ARHGAP44: variants seen among roughly 807,000 people sequenced by gnomAD.
The protein encoded by ARHGAP44 is Rho GTPase activating protein 44, also known as rho GTPase-activating protein 44.
Under a neutral mutation model 106.8 loss-of-function variants are expected in ARHGAP44, and 43 were observed. The observed-to-expected ratio is 0.40, with a 90% CI of 0.32 to 0.52. The LOEUF is 0.52. Ranked by LOEUF, ARHGAP44 falls within the 20% of genes least tolerant of loss-of-function variation. The pLI is 0.48. For synonymous variants in ARHGAP44, 439 were observed against 410.3 expected, an observed-to-expected ratio of 1.07 and a Z score of -0.85; for missense variants, 866 against 1,050.5, an observed-to-expected ratio of 0.82 and a Z score of 2.43.
At chr17:12,929,940 T>C (rs1185936660) in intron 7 of ARHGAP44, among the ~76,000 whole-genome samples, 2 of 152,216 alleles carry the variant, frequency 1.3e-5, no homozygotes, top group African/African-American at 4.8e-5. Context: ...CCTGTGCAAG[T>C]GGCTTTGACC....
intron 7 of ARHGAP44, among the ~76,000 whole-genome samples, chr17:12,934,490 T>C (rs1238226148): frequency 6.6e-6 from 1 of 152,182 alleles, no homozygotes. Context: ...TTTGGAAGGC[T>C]GTGGAATGGT....
intron 1 of ARHGAP44, among the ~76,000 whole-genome samples, chr17:12,792,787 A>T (rs930221014): frequency 6.6e-6 from 1 of 152,196 alleles, no homozygotes; most frequent in African/African-American, 2.4e-5. Flanking sequence ...TTAACAATGT[A>T]GGAGTTGCCC....
At chr17:12,853,357 T>C (rs1487419324) in intron 1 of ARHGAP44, among the ~76,000 whole-genome samples, 1 of 152,130 alleles carries the variant, frequency 6.6e-6, no homozygotes, top group Non-Finnish European at 1.5e-5. Context: ...TATTAGACAC[T>C]GAAGGACCGA....
chr17:12,964,217 A>G (rs1168642507), intron 16 of ARHGAP44, among the ~76,000 whole-genome samples: 2 of 152,266 alleles, frequency 1.3e-5, no homozygotes, highest in African/African-American at 4.8e-5. Context: ...TTAGTCCTAA[A>G]TAATAAATGA....
chr17:12,983,810 GAAAA>G (rs879307135), intron 19 of ARHGAP44, among the ~76,000 whole-genome samples: 3 of 148,734 alleles, frequency 2.0e-5, no homozygotes, highest in African/African-American at 5.0e-5. Context: ...GTCTCCAAAA[GAAAA>G]AAAAACAACA....
chr17:12,929,097 G>T, intron 7 of ARHGAP44, 51 bp downstream of exon 7: 1 of 1,518,812 alleles, frequency 6.6e-7, no homozygotes, highest in East Asian at 2.4e-5. Context: ...GGAGCCCTCA[G>T]GGATTCCCTT....
rs1330933280 is a variant in ARHGAP44, at chr17:12,949,882, G to A, written c.1055+152G>A. 6.6e-6 allele frequency among the ~76,000 whole-genome samples: 1 copy of A among 152,192 alleles called. No individual in the cohort carries two copies. The highest frequency in any genetic ancestry group is 2.4e-5 in the African/African-American group (1 of 41,446). Reference sequence around the variant, plus strand: ...CTTATACATTTGCCCAAGGAGGCAGGTCCAGGGATATTGATGGTAGCATTA... The same window carrying A: ...CTTATACATTTGCCCAAGGAGGCAGATCCAGGGATATTGATGGTAGCATTA... On this transcript the variant is annotated intron_variant, in intron 12 of 20. Transcript: ENST00000379672. The surrounding 1 kb of genome is among the most constrained non-coding windows in gnomAD (Gnocchi z 4.1).
intron 1 of ARHGAP44, among the ~76,000 whole-genome samples, chr17:12,891,815 A>C (rs1467508813): frequency 7.6e-6 from 1 of 131,290 alleles, no homozygotes; most frequent in Non-Finnish European, 1.6e-5. Context: ...TTTTTTTTAG[A>C]TGGAGTCTCA....
chr17:12,805,118 G>A (rs997724778), intron 1 of ARHGAP44, among the ~76,000 whole-genome samples: 1 of 152,200 alleles, frequency 6.6e-6, no homozygotes, highest in African/African-American at 2.4e-5. Flanking sequence ...GTAGTGGGGG[G>A]TTGGAAGAGG....
rs142317168 is a variant in ARHGAP44, at chr17:12,890,131, C to T, written c.54-4809C>T. ...GCCCTGTCCCCATGGCTCCACTAGG[C>T]ATTGCCTTAGTGAGTACTCTCTACA... On this transcript the variant is annotated intron_variant, in intron 1 of 20. Transcript: ENST00000379672. Among the ~76,000 whole-genome samples, 26 of 152,166 alleles carry T rather than the reference C, an allele frequency of 1.7e-4. No homozygotes were observed. In the East Asian group the frequency reaches 4.7e-3, roughly 27 times the overall value.
chr17:12,799,145 A>T (rs989439546), intron 1 of ARHGAP44, among the ~76,000 whole-genome samples: 25 of 152,130 alleles, frequency 1.6e-4, no homozygotes. Flanking sequence ...TTTGATCAGC[A>T]CATATGTTTT....
At position 12,943,681 on chromosome 17, in the gene ARHGAP44, C is replaced by A. The variant is rs746562105; in HGVS notation, c.733+12C>A. Reference sequence around the variant, plus strand: ...CAAAGCACAACAGGGTAAGTGCAGGCCTTCCCTGGAGAAGGGAGGGCCGGG... The same window carrying A: ...CAAAGCACAACAGGGTAAGTGCAGGACTTCCCTGGAGAAGGGAGGGCCGGG... On this transcript the variant is annotated intron_variant, in intron 9 of 20. Coordinates refer to ENST00000379672, the MANE Select transcript of ARHGAP44 (RefSeq NM_014859.6). 6.8e-6 allele frequency: 11 copies of A among 1,612,984 alleles called. No individual in the cohort carries two copies. The highest frequency in any genetic ancestry group is 1.3e-5 in the African/African-American group (1 of 75,004).
chr17:12,975,070 A>G (rs1203295664), intron 18 of ARHGAP44, among the ~76,000 whole-genome samples: 1 of 151,948 alleles, frequency 6.6e-6, no homozygotes, highest in Admixed American at 6.6e-5. Context: ...GGCTGGTCTC[A>G]AACTCCTGAC....
chr17:12,795,596 T>C (rs2033895017), intron 1 of ARHGAP44, among the ~76,000 whole-genome samples: 1 of 151,962 alleles, frequency 6.6e-6, no homozygotes, highest in Non-Finnish European at 1.5e-5. Flanking sequence ...TCAGTAGCCA[T>C]ACAAATATAC....
intron 1 of ARHGAP44, among the ~76,000 whole-genome samples, chr17:12,854,321 T>C (rs1381375086): frequency 6.6e-6 from 1 of 152,174 alleles, no homozygotes; most frequent in Non-Finnish European, 1.5e-5. Context: ...GTGGTCTTTT[T>C]TTCCCCAAAG....
intron 16 of ARHGAP44, 40 bp from the exon 17 acceptor site, chr17:12,973,261 GA>G: frequency 6.3e-7 from 1 of 1,593,514 alleles, no homozygotes; most frequent in Non-Finnish European, 8.6e-7. Flanking sequence ...GGAAGGCCTA[GA>G]TTTTTTGAAA....
chr17:12,800,278 T>C (rs933215335), intron 1 of ARHGAP44, among the ~76,000 whole-genome samples: 3 of 152,234 alleles, frequency 2.0e-5, no homozygotes, highest in Non-Finnish European at 4.4e-5. Flanking sequence ...GCCAAGAGCA[T>C]GCCTGAAGGC....
chr17:12,972,813 C>T lies in ARHGAP44; in HGVS notation c.1524-489C>T, dbSNP rs538640091. Among the ~76,000 whole-genome samples the T allele has an allele frequency of 7.3e-4, 110 of 151,628 alleles. 1 individual carries two copies. Among genetic ancestry groups the T allele is most frequent in the African/African-American group, 2.6e-3 (106 of 41,446 alleles). On this transcript the variant is annotated intron_variant, in intron 16 of 20. Coordinates refer to ENST00000379672, the MANE Select transcript of ARHGAP44 (RefSeq NM_014859.6). ...AATAGCTGGGACTACAGGTGCCTGC[C>T]ACCACTCCCGGCTAATTTTTTGTAT...
chr17:12,789,758 G>T lies in ARHGAP44; in HGVS notation c.-81G>T. 1 of 1,274,014 alleles carries T rather than the reference G, an allele frequency of 7.8e-7. No individual in the cohort carries two copies. Among genetic ancestry groups the T allele is most frequent in the South Asian group, 2.0e-5 (1 of 48,996 alleles). 78.9% of individuals were successfully genotyped at this position (1,274,014 alleles called of 1,614,324 possible). On this transcript the variant is annotated 5_prime_UTR_variant, in exon 1 of 21. Transcript: ENST00000379672. Reference sequence around the variant, plus strand: ...CGCCGTCGCCCGGGAGGCTCCGCGCGGGAGCCATGTAACCCTGCGGCGGGC... The same window carrying T: ...CGCCGTCGCCCGGGAGGCTCCGCGCTGGAGCCATGTAACCCTGCGGCGGGC...
Sources: allele counts gnomAD v4.1 joint callset (sites outside exome capture counted in the v4.1 genomes callset), GRCh38; gene constraint gnomAD v4.1.1; non-coding constraint Gnocchi (gnomAD v3.1); transcripts MANE v1.5; gene names NCBI Gene and HGNC (gene_info 2026-07-23, HGNC 2026-07-21).